SMARCAD1: variants seen among roughly 807,000 people sequenced by gnomAD.
SMARCAD1 encodes the protein SWI/SNF-related matrix-associated actin-dependent regulator of chromatin subfamily A containing DEAD/H box 1.
A neutral mutation model predicts 127.1 loss-of-function variants in SMARCAD1; 25 were observed. The ratio of observed to expected loss-of-function variants is 0.20; its 90% CI spans 0.14 to 0.27. SMARCAD1 has a LOEUF of 0.27. Among genes scored for constraint, SMARCAD1 ranks in the 10% least tolerant of loss-of-function variants. SMARCAD1 has a pLI of 1.00. For missense variants in SMARCAD1, 807 were observed against 1,206.0 expected, an observed-to-expected ratio of 0.67 and a Z score of 4.90; for synonymous variants, 400 against 396.9, an observed-to-expected ratio of 1.01 and a Z score of -0.09.
At chr4:94,258,892 G>T (rs892958374) in intron 9 of SMARCAD1, among the ~76,000 whole-genome samples, 1 of 152,194 alleles carries the variant, frequency 6.6e-6, no homozygotes, top group African/African-American at 2.4e-5. Flanking sequence ...GAAATGCCAA[G>T]AAACTATTTG....
At chr4:94,225,194 T>A (rs1207060082) in intron 2 of SMARCAD1, among the ~76,000 whole-genome samples, 1 of 152,224 alleles carries the variant, frequency 6.6e-6, no homozygotes, top group Non-Finnish European at 1.5e-5. Flanking sequence ...AACAAAATGC[T>A]ACAGGTTCGG....
intron 9 of SMARCAD1, among the ~76,000 whole-genome samples, chr4:94,260,043 C>G (rs939565356): frequency 1.3e-5 from 2 of 152,074 alleles, no homozygotes; most frequent in African/African-American, 4.8e-5. Flanking sequence ...TCTCTCTCCC[C>G]CTTCTGTTTT....
At chr4:94,220,976 G>C (rs1483064251) in intron 2 of SMARCAD1, among the ~76,000 whole-genome samples, 1 of 152,204 alleles carries the variant, frequency 6.6e-6, no homozygotes, top group Non-Finnish European at 1.5e-5. Flanking sequence ...AACCAGTCAC[G>C]TTTCTTTCCC....
intron 3 of SMARCAD1, among the ~76,000 whole-genome samples, chr4:94,227,210 A>G (rs528559737): frequency 5.9e-5 from 9 of 152,210 alleles, no homozygotes; most frequent in Non-Finnish European, 1.2e-4. Flanking sequence ...GGAAAGTGGG[A>G]GGGACATGAT....
chr4:94,237,705 A>G (rs1224606629), intron 5 of SMARCAD1, among the ~76,000 whole-genome samples: 1 of 152,132 alleles, frequency 6.6e-6, no homozygotes, highest in Non-Finnish European at 1.5e-5. Context: ...CTTTTAAAAA[A>G]TCATATAATA....
rs777658047 is a variant in SMARCAD1, at chr4:94,276,317, A to G, written c.1809-22A>G. 91 of 1,613,790 alleles carry G rather than the reference A, an allele frequency of 5.6e-5. No individual in the cohort carries two copies. In the East Asian group the frequency reaches 6.9e-4, roughly 12 times the overall value. Reference sequence around the variant, plus strand: ...AGCTCTTAAAGGTATAACCTTAGAGATGTTTTTTCTTTTGGTGACAGATAT... The same window carrying G: ...AGCTCTTAAAGGTATAACCTTAGAGGTGTTTTTTCTTTTGGTGACAGATAT... On this transcript the variant is annotated intron_variant, in intron 14 of 23. Coordinates refer to ENST00000354268, the MANE Select transcript of SMARCAD1 (RefSeq NM_020159.5).
chr4:94,267,080 T>TAAACTA (rs10640840), intron 10 of SMARCAD1, among the ~76,000 whole-genome samples: 82,873 of 151,260 alleles, frequency 0.55, 23,103 homozygotes, highest in East Asian at 0.71. Flanking sequence ...TTATCAGCCT[T>TAAACTA]AAAAGATTTC....
chr4:94,284,758 C>G (rs1301815062), intron 22 of SMARCAD1, among the ~76,000 whole-genome samples: 1 of 152,048 alleles, frequency 6.6e-6, no homozygotes, highest in African/African-American at 2.4e-5. Flanking sequence ...ATACAAATAT[C>G]TTTCTCTTTT....
chr4:94,219,217 G>A (rs1167009227), intron 2 of SMARCAD1, among the ~76,000 whole-genome samples: 1 of 152,176 alleles, frequency 6.6e-6, no homozygotes, highest in Non-Finnish European at 1.5e-5. Context: ...GAACAGTGTA[G>A]AGCAATACAT....
chr4:94,221,328 C>T (rs1002913476), intron 2 of SMARCAD1, among the ~76,000 whole-genome samples: 1 of 152,168 alleles, frequency 6.6e-6, no homozygotes, highest in Non-Finnish European at 1.5e-5. Flanking sequence ...GGAAATAATA[C>T]ATGGTTAACG....
intron 4 of SMARCAD1, 77 bp downstream of exon 4, chr4:94,234,199 A>G: frequency 7.7e-7 from 1 of 1,303,210 alleles, no homozygotes. Flanking sequence ...AGTAGTGGAT[A>G]GTCATTTTTC....
intron 9 of SMARCAD1, among the ~76,000 whole-genome samples, chr4:94,261,294 T>C (rs746644225): frequency 6.6e-6 from 1 of 152,196 alleles, no homozygotes; most frequent in African/African-American, 2.4e-5. Flanking sequence ...ACATTTTACT[T>C]TTTATCTGTT....
chr4:94,280,570 CTG>C lies in SMARCAD1; in HGVS notation c.2419-18_2419-17del, dbSNP rs1753878614. 1.3e-6 allele frequency: 2 copies of C among 1,523,602 alleles called. No individual in the cohort carries two copies. The highest frequency in any genetic ancestry group is 1.3e-5 in the African/African-American group (1 of 74,154). The allele number at this position is 1,523,602 out of a possible 1,614,324, so 94.4% of individuals were successfully genotyped here. A position where few individuals can be genotyped will look rare whatever the true frequency, so the allele number is the denominator to read the frequency against. ...TTAATTATTTTTATTTTGAAGTATACTGTGTTTTGTTTTGTTTTAAGGAACCT... is the reference window on the plus strand; with the variant it reads ...TTAATTATTTTTATTTTGAAGTATACTGTTTTGTTTTGTTTTAAGGAACCT... On this transcript the variant is annotated intron_variant, in intron 19 of 23. Coordinates refer to ENST00000354268, the MANE Select transcript of SMARCAD1 (RefSeq NM_020159.5).
At chr4:94,236,817 T>G (rs1247032644) in intron 4 of SMARCAD1, 135 bp from the exon 5 acceptor site, 2 of 725,290 alleles carry the variant, frequency 2.8e-6, no homozygotes, top group Non-Finnish European at 2.4e-6. Context: ...ATCATAGGAC[T>G]TAATGAACTT....
intron 2 of SMARCAD1, among the ~76,000 whole-genome samples, chr4:94,211,529 C>T (rs909055414): frequency 7.9e-5 from 12 of 152,272 alleles, no homozygotes; most frequent in South Asian, 2.1e-4. Flanking sequence ...GATAATGCTG[C>T]GTTAGTTTAT....
In SMARCAD1 at chr4:94,226,102, T is replaced by G; in HGVS notation, c.191-17T>G. 6.3e-7 allele frequency: 1 copy of G among 1,599,938 alleles called. No homozygotes were observed. On this transcript the variant is annotated splice_polypyrimidine_tract_variant and intron_variant, in intron 2 of 23. Transcript: ENST00000354268. ...CCAGTTGCTCAAAATATTTTTCTCCTTTTTATTCTCTTGCAGAAGATTCTA... is the reference window on the plus strand; with the variant it reads ...CCAGTTGCTCAAAATATTTTTCTCCGTTTTATTCTCTTGCAGAAGATTCTA...
intron 19 of SMARCAD1, among the ~76,000 whole-genome samples, chr4:94,280,270 C>G (rs1228136391): frequency 2.6e-5 from 4 of 152,060 alleles, no homozygotes; most frequent in Admixed American, 6.6e-5. Context: ...TGTTACTTCA[C>G]CCCTTTGAAA....
chr4:94,223,571 T>C (rs1444910714), intron 2 of SMARCAD1, among the ~76,000 whole-genome samples: 1 of 151,628 alleles, frequency 6.6e-6, no homozygotes, highest in African/African-American at 2.4e-5. Context: ...CCTTTCCTTT[T>C]TCTTTTTTTT....
chr4:94,247,683 A>T (rs1055122062), intron 6 of SMARCAD1, among the ~76,000 whole-genome samples: 1 of 151,760 alleles, frequency 6.6e-6, no homozygotes, highest in African/African-American at 2.4e-5. Context: ...GTTTCTCCCC[A>T]TTCCCTCCTC....
Sources: gnomAD v4.1 joint callset for allele counts (sites outside exome capture counted in the v4.1 genomes callset) on GRCh38, gnomAD v4.1.1 for gene constraint, MANE v1.5 for transcripts, NCBI Gene and HGNC (gene_info 2026-07-23, HGNC 2026-07-21) for gene names.